The following PTPRR variants were observed in gnomAD, a reference collection of about 807,000 sequenced individuals.
PTPRR encodes the protein receptor-type tyrosine-protein phosphatase R.
PTPRR carries 38 observed loss-of-function variants against 77.2 expected under a neutral mutation model. That is an observed-to-expected ratio of 0.49 (90% CI 0.38 to 0.65). The LOEUF is 0.65. Among genes scored for constraint, PTPRR ranks in the 30% least tolerant of loss-of-function variants. The pLI, the probability that PTPRR is intolerant of heterozygous loss-of-function variation, is 0.00. For synonymous variants in PTPRR, 299 were observed against 283.1 expected (o/e 1.06, Z -0.57); for missense variants, 744 against 799.2 (o/e 0.93, Z 0.83).
chr12:70,667,781 G>A (rs947614264), intron 10 of PTPRR, among the ~76,000 whole-genome samples: 3 of 151,874 alleles, frequency 2.0e-5, no homozygotes, highest in Non-Finnish European at 2.9e-5. Context: ...ACCAGAAAGG[G>A]ACTCTCTTCT....
At chr12:70,733,448 A>AAAAAAAAAAAAAAAAAAAAT (rs1889743013) in intron 6 of PTPRR, among the ~76,000 whole-genome samples, 1 of 92,242 alleles carries the variant, frequency 1.1e-5, no homozygotes, top group African/African-American at 4.2e-5. Context: ...AAAAAAAAGA[A>AAAAAAAAAAAAAAAAAAAAT]AGAAAAAAAG....
chr12:70,685,340 A>G (rs1453124039), intron 8 of PTPRR, among the ~76,000 whole-genome samples: 2 of 152,004 alleles, frequency 1.3e-5, no homozygotes, highest in African/African-American at 4.8e-5. Context: ...TTGCAAAGAT[A>G]AAGATAAACA....
rs184631445 is a variant in PTPRR, at chr12:70,792,207, T to C, written c.358-27429A>G. Among the ~76,000 whole-genome samples, 10 of 152,318 alleles carry C rather than the reference T, an allele frequency of 6.6e-5. No homozygotes were observed. The East Asian group carries it at 7.7e-4, about 12-fold the overall frequency. On this transcript the variant is annotated intron_variant, in intron 2 of 13. Transcript: ENST00000283228. ...TAAGGGGATTGATTGAGAAAGCTTC[T>C]AAGATGTGTAGGGTGTTGCCTGGAA...
At chr12:70,733,506 T>TA (rs1889760296) in intron 6 of PTPRR, among the ~76,000 whole-genome samples, 1 of 142,960 alleles carries the variant, frequency 7.0e-6, no homozygotes, top group South Asian at 2.2e-4. Flanking sequence ...AAAAAAGATT[T>TA]CACCTTTCTT....
chr12:70,701,239 C>G lies in PTPRR; in HGVS notation c.1092G>C (p.Glu364Asp). 2.5e-6 allele frequency: 4 copies of G among 1,613,974 alleles called. No individual in the cohort carries two copies. The highest frequency in any genetic ancestry group is 2.2e-5 in the East Asian group (1 of 44,880). Residue 364 changes from glutamate (E) to aspartate (D), a missense_variant, in exon 7 of 14, where the codon GAG becomes GAC. Coordinates refer to ENST00000283228, the MANE Select transcript of PTPRR (RefSeq NM_002849.4). ...EPFVSIPTPREKVAMEYLQSA... is the reference protein window; with the variant it reads ...EPFVSIPTPRDKVAMEYLQSA... ...ACTGCAGATACTCCATTGCTACCTTCTCCCGTGGTGTTGGTATAGACACAA... is the reference window on the plus strand; with the variant it reads ...ACTGCAGATACTCCATTGCTACCTTGTCCCGTGGTGTTGGTATAGACACAA...
chr12:70,888,804 A>G (rs768859310), intron 2 of PTPRR, among the ~76,000 whole-genome samples: 2 of 152,104 alleles, frequency 1.3e-5, no homozygotes, highest in African/African-American at 2.4e-5. Context: ...CCACAGCTCA[A>G]CACAGACCTA....
At chr12:70,642,416 A>G (rs563288974) in intron 13 of PTPRR, among the ~76,000 whole-genome samples, 3 of 151,220 alleles carry the variant, frequency 2.0e-5, no homozygotes, top group African/African-American at 7.3e-5. Context: ...TCCATTTCTC[A>G]CTCCCAGCGT....
chr12:70,816,456 C>T (rs1891904046), intron 2 of PTPRR, among the ~76,000 whole-genome samples: 2 of 151,566 alleles, frequency 1.3e-5, no homozygotes, highest in Admixed American at 1.3e-4. Context: ...TGCAAGAACC[C>T]CAAGGATTGT....
intron 1 of PTPRR, among the ~76,000 whole-genome samples, chr12:70,900,687 T>A (rs1893518486): frequency 6.6e-6 from 1 of 151,286 alleles, no homozygotes; most frequent in Non-Finnish European, 1.5e-5. Flanking sequence ...ACCAAAAAAA[T>A]TAACCCAGTG....
intron 13 of PTPRR, among the ~76,000 whole-genome samples, chr12:70,644,658 A>G (rs550757381): frequency 6.6e-6 from 1 of 152,294 alleles, no homozygotes; most frequent in East Asian, 1.9e-4. Context: ...ATAAATGTCA[A>G]CTATTATTAT....
chr12:70,650,990 C>CT (rs1886373273), intron 13 of PTPRR, among the ~76,000 whole-genome samples: 1 of 152,234 alleles, frequency 6.6e-6, no homozygotes, highest in East Asian at 1.9e-4. Flanking sequence ...GTATTTGATA[C>CT]TTTTTAATCA....
intron 2 of PTPRR, among the ~76,000 whole-genome samples, chr12:70,845,863 A>G (rs1367741492): frequency 6.6e-6 from 1 of 152,206 alleles, no homozygotes. Context: ...CTTCTGGAAT[A>G]AGATCATAAG....
At chr12:70,803,511 C>T (rs1477080904) in intron 2 of PTPRR, among the ~76,000 whole-genome samples, 1 of 152,124 alleles carries the variant, frequency 6.6e-6, no homozygotes, top group Non-Finnish European at 1.5e-5. Flanking sequence ...CAACTTGAAG[C>T]TTGTGGTAAA....
intron 2 of PTPRR, among the ~76,000 whole-genome samples, chr12:70,859,209 T>C (rs1699472694): frequency 6.6e-6 from 1 of 152,060 alleles, no homozygotes; most frequent in Non-Finnish European, 1.5e-5. Context: ...GAATAAGATA[T>C]AGAATCACGT....
At chr12:70,706,575 C>G (rs78578562) in intron 6 of PTPRR, among the ~76,000 whole-genome samples, 1 of 152,062 alleles carries the variant, frequency 6.6e-6, no homozygotes, top group Non-Finnish European at 1.5e-5. Context: ...CTACACCTCA[C>G]TAGGTAGAAT....
intron 2 of PTPRR, among the ~76,000 whole-genome samples, chr12:70,836,199 C>T (rs1460116037): frequency 6.6e-6 from 1 of 152,048 alleles, no homozygotes; most frequent in Non-Finnish European, 1.5e-5. Context: ...ATCCAGGCAC[C>T]CTTGAATGGC....
intron 5 of PTPRR, among the ~76,000 whole-genome samples, chr12:70,752,333 T>C (rs551814602): frequency 6.6e-6 from 1 of 152,322 alleles, no homozygotes; most frequent in South Asian, 2.1e-4. Context: ...TGATTTGTTC[T>C]AATAACGTTA....
chr12:70,806,235 C>G (rs1346095590), intron 2 of PTPRR, among the ~76,000 whole-genome samples: 1 of 152,160 alleles, frequency 6.6e-6, no homozygotes, highest in African/African-American at 2.4e-5. Context: ...CAACCTTGAA[C>G]TGGCTCTGAG....
At chr12:70,878,642 C>A (rs1198361608) in intron 2 of PTPRR, among the ~76,000 whole-genome samples, 1 of 152,200 alleles carries the variant, frequency 6.6e-6, no homozygotes, top group African/African-American at 2.4e-5. Flanking sequence ...AACACTTTTA[C>A]ACTGTTGGTG....
Sources: gnomAD v4.1 joint callset for allele counts (sites outside exome capture counted in the v4.1 genomes callset) on GRCh38, gnomAD v4.1.1 for gene constraint, MANE v1.5 for transcripts, NCBI Gene and HGNC (gene_info 2026-07-23, HGNC 2026-07-21) for gene names.